NBPF20: variants seen among roughly 807,000 people sequenced by gnomAD.
NBPF20 encodes NBPF family member NBPF20.
NBPF20 carries 90 observed loss-of-function variants against 68.1 expected under a neutral mutation model. The ratio of observed to expected loss-of-function variants is 1.32; its 90% CI spans 1.11 to 1.58. The LOEUF is 1.58. NBPF20 is among the 40% of genes most tolerant of loss of function. NBPF20 has a pLI of 0.00. For missense variants in NBPF20, 816 were observed against 601.2 expected (o/e 1.36, Z -3.74); for synonymous variants, 290 against 228.1 (o/e 1.27, Z -2.45).
At chr1:145,393,764 G>T (rs1662064462) in intron 9 of NBPF20, 120 bp downstream of exon 14, 6 of 1,498,646 alleles carry the variant, frequency 4.0e-6, no homozygotes, top group Middle Eastern at 2.4e-4. Flanking sequence ...AATGTAGTAG[G>T]CATAATTCAG....
At chr1:145,423,521 A>G in the NBPF20 span, among the ~76,000 whole-genome samples, 1 of 151,756 alleles carries the variant, frequency 6.6e-6, no homozygotes, top group Non-Finnish European at 1.5e-5. Context: ...ACAGATTGAA[A>G]AAAGGGAAAT....
At chr1:145,399,687 G>A (rs1662420305) in intron 6 of NBPF20, among the ~76,000 whole-genome samples, 2 of 129,660 alleles carry the variant, frequency 1.5e-5, no homozygotes, top group Admixed American at 8.6e-5. Flanking sequence ...TGAGGCAGGA[G>A]AATCACTTGA....
chr1:145,419,098 AG>A, the NBPF20 span, among the ~76,000 whole-genome samples: 18 of 97,828 alleles, frequency 1.8e-4, no homozygotes, highest in African/African-American at 1.4e-3. Flanking sequence ...GAAGGAAGGA[AG>A]GGAGGGAGGG....
chr1:145,417,492 G>C, the NBPF20 span, among the ~76,000 whole-genome samples: 17 of 149,456 alleles, frequency 1.1e-4, no homozygotes, highest in South Asian at 2.1e-4. Flanking sequence ...AACTTCTGTT[G>C]TGTGAAAGAC....
intron 137 of NBPF20, among the ~76,000 whole-genome samples, chr1:145,292,086 G>C (rs143045447): frequency 1.3e-5 from 2 of 149,522 alleles, no homozygotes; most frequent in Non-Finnish European, 1.5e-5. Flanking sequence ...ACAGCAAACT[G>C]TGATCATGAA....
intron 6 of NBPF20, among the ~76,000 whole-genome samples, chr1:145,399,879 A>T (rs1271861162): frequency 6.7e-6 from 1 of 150,092 alleles, no homozygotes; most frequent in African/African-American, 2.5e-5. Flanking sequence ...TGCTTTATGG[A>T]AATATATCAG....
In NBPF20 at chr1:145,393,939, C is replaced by G. The variant is rs1553663026; in HGVS notation, c.992-4G>C. On this transcript the variant is annotated splice_region_variant and splice_polypyrimidine_tract_variant and intron_variant, in intron 8 of 137. Transcript: ENST00000369373. ...TTCACTTGATCCCACCGATGTCCTG[C>G]AAATAAATTCAGATGGGCCCTCTTA... is the stretch of plus-strand genomic sequence containing the variant. The G allele has an allele frequency of 6.0e-6, 8 of 1,335,692 alleles. No individual in the cohort carries two copies. The highest frequency in any genetic ancestry group is 7.4e-6 in the Non-Finnish European group (7 of 940,374). 82.7% of individuals were successfully genotyped at this position (1,335,692 alleles called of 1,614,324 possible).
chr1:145,395,064 G>T, exon 8 of NBPF20: 1 of 1,611,226 alleles, frequency 6.2e-7, no homozygotes, highest in South Asian at 1.1e-5. Context: ...CAACATTTCA[G>T]GAGGAATTGA....
At chr1:145,395,056 A>G (rs1437845246) in exon 8 of NBPF20, 5 of 1,611,410 alleles carry the variant, frequency 3.1e-6, no homozygotes, top group Admixed American at 1.7e-5. Flanking sequence ...TACGAGGCCA[A>G]CATTTCAGGA....
chr1:145,418,980 C>T, the NBPF20 span, among the ~76,000 whole-genome samples: 10 of 118,088 alleles, frequency 8.5e-5, no homozygotes, highest in East Asian at 2.0e-3. Context: ...AAAAGTAGAA[C>T]AAAAAGGAAA....
At chr1:145,412,123 G>A in the NBPF20 span, among the ~76,000 whole-genome samples, 1 of 148,732 alleles carries the variant, frequency 6.7e-6, no homozygotes, top group South Asian at 2.2e-4. Flanking sequence ...AATGAATTGT[G>A]GGCACAGAAG....
chr1:145,393,738 A>C, intron 9 of NBPF20, 146 bp downstream of exon 14: 1 of 1,513,128 alleles, frequency 6.6e-7, no homozygotes, highest in Non-Finnish European at 9.1e-7. Context: ...ATGTACTCTA[A>C]TGAGAACCAG....
chr1:145,408,347 T>A (rs1662889641), upstream of NBPF20, among the ~76,000 whole-genome samples: 1 of 151,884 alleles, frequency 6.6e-6, no homozygotes, highest in African/African-American at 2.4e-5. Flanking sequence ...CCCATACCCC[T>A]CCTGTGTGTG....
chr1:145,405,088 T>G lies in NBPF20; in HGVS notation c.175+10A>C. 1 of 1,606,352 alleles carries G rather than the reference T, an allele frequency of 6.2e-7. No individual in the cohort carries two copies. The highest frequency in any genetic ancestry group is 8.5e-7 in the Non-Finnish European group (1 of 1,173,808). On this transcript the variant is annotated intron_variant, in intron 2 of 137. Transcript: ENST00000369373. ...CATCACTTTCATGATGGTGAGCCTATAGATCTTACTGTATTTCTTCTGCTG... is the reference window on the plus strand; with the variant it reads ...CATCACTTTCATGATGGTGAGCCTAGAGATCTTACTGTATTTCTTCTGCTG...
chr1:145,341,187 C>G (rs1399246807), intron 75 of NBPF20, among the ~76,000 whole-genome samples: 207 of 69,048 alleles, frequency 3.0e-3, no homozygotes, highest in African/African-American at 3.6e-3. Flanking sequence ...GAGAAAGTGA[C>G]CTAGTGAATT....
the NBPF20 span, among the ~76,000 whole-genome samples, chr1:145,411,260 C>A: frequency 2.8e-3 from 425 of 149,626 alleles, 4 homozygotes; most frequent in African/African-American, 1.0e-2. Flanking sequence ...TTAAACATAA[C>A]AACTCTTCTG....
intron 3 of NBPF20, among the ~76,000 whole-genome samples, 171 bp from the exon 9 acceptor site, chr1:145,402,552 G>C (rs1662572507): frequency 6.6e-6 from 1 of 151,956 alleles, no homozygotes. Context: ...ATGGTTTACA[G>C]GCTTCCTCTG....
intron 2 of NBPF20, among the ~76,000 whole-genome samples, chr1:145,403,598 G>C (rs1448060957): frequency 2.6e-5 from 4 of 152,252 alleles, no homozygotes; most frequent in African/African-American, 4.8e-5. Flanking sequence ...CAGTCCGTGA[G>C]GTCTGACTCT....
the NBPF20 span, among the ~76,000 whole-genome samples, chr1:145,421,986 C>T: frequency 6.6e-6 from 1 of 151,802 alleles, no homozygotes; most frequent in Non-Finnish European, 1.5e-5. Context: ...TGCAGAGACC[C>T]ATGATCATAC....
Sources: allele counts gnomAD v4.1 joint callset (sites outside exome capture counted in the v4.1 genomes callset), GRCh38; gene constraint gnomAD v4.1.1; transcripts MANE v1.5; gene names NCBI Gene and HGNC (gene_info 2026-07-23, HGNC 2026-07-21).